The following CCDC66 variants were observed in gnomAD, a reference collection of about 807,000 sequenced individuals.
CCDC66 encodes coiled-coil domain containing 66.
Under a neutral mutation model 128.3 loss-of-function variants are expected in CCDC66, and 133 were observed. The observed-to-expected ratio is 1.04, with a 90% CI of 0.90 to 1.20. The LOEUF (loss-of-function observed/expected upper bound fraction) is 1.20. Ranked by LOEUF, CCDC66 falls within the 50% of genes most tolerant of loss-of-function variation. CCDC66 has a pLI of 0.00. For missense variants in CCDC66, 1,126 were observed against 1,075.5 expected (o/e 1.05, Z -0.66); for synonymous variants, 387 against 357.0 (o/e 1.08, Z -0.95).
chr3:56,566,489 A>G (rs2065879122), intron 4 of CCDC66, 105 bp from the exon 5 acceptor site: 1 of 683,722 alleles, frequency 1.5e-6, no homozygotes, highest in Non-Finnish European at 2.4e-6. Context: ...TTTGAGAGTT[A>G]ATTTAAGTAA....
At chr3:56,566,107 C>CTTTTTGTTTTGTTTTGTTTTGT (rs1553662674) in intron 4 of CCDC66, among the ~76,000 whole-genome samples, 1 of 148,822 alleles carries the variant, frequency 6.7e-6, no homozygotes, top group Non-Finnish European at 1.5e-5. Flanking sequence ...CTTCAGTTTC[C>CTTTTTGTTTTGTTTTGTTTTGT]TTTGTTTTGT....
chr3:56,615,752 G>C (rs926111835), intron 12 of CCDC66, 170 bp from the exon 13 acceptor site: 7 of 431,690 alleles, frequency 1.6e-5, no homozygotes, highest in African/African-American at 4.2e-5. Flanking sequence ...ATTATTAAAT[G>C]ATCTCCCTAA....
intron 10 of CCDC66, among the ~76,000 whole-genome samples, chr3:56,600,702 G>A (rs987855126): frequency 6.6e-6 from 1 of 152,000 alleles, no homozygotes; most frequent in African/African-American, 2.4e-5. Flanking sequence ...ATCTCATTGT[G>A]GTTTTGATTT....
At chr3:56,611,679 C>T (rs1200134009) in intron 10 of CCDC66, among the ~76,000 whole-genome samples, 1 of 151,692 alleles carries the variant, frequency 6.6e-6, no homozygotes, top group East Asian at 1.9e-4. Flanking sequence ...GCTCCTCTGG[C>T]CACCCTCCTG....
rs1426352758 is a variant in CCDC66, at chr3:56,583,919, C to T, written c.937-9051C>T. On this transcript the variant is annotated intron_variant, in intron 7 of 17. Transcript: ENST00000394672. ...CCTCCCGGATGGGGCGGCGGCTGGG[C>T]GGGGGCTGCCCCCCACCTCCCTCCC... is the stretch of plus-strand genomic sequence containing the variant. Among the ~76,000 whole-genome samples, 7 of 85,466 alleles carry T rather than the reference C, an allele frequency of 8.2e-5. 2 individuals are homozygous for T. In the Admixed American group the frequency reaches 1.1e-3, roughly 13 times the overall value. The allele number at this position is 85,466 out of a possible 152,430, so 56.1% of individuals were successfully genotyped here.
intron 17 of CCDC66, 54 bp from the exon 18 acceptor site, chr3:56,621,478 T>A: frequency 8.9e-7 from 1 of 1,123,280 alleles, no homozygotes; most frequent in Non-Finnish European, 1.3e-6. Context: ...TAACACAACA[T>A]TGCAAGTCAG....
intron 4 of CCDC66, 99 bp downstream of exon 4, chr3:56,564,224 CTAATT>C (rs964573709): frequency 1.0e-5 from 8 of 796,898 alleles, no homozygotes; most frequent in African/African-American, 5.2e-5. Context: ...CTCTTAAACT[CTAATT>C]TAACCTGTCA....
chr3:56,619,865 G>A lies in CCDC66; in HGVS notation c.2724G>A (p.Gln908=), dbSNP rs1362645745. 6.2e-7 allele frequency: 1 copy of A among 1,614,080 alleles called. No homozygotes were observed. The highest frequency in any genetic ancestry group is 8.5e-7 in the Non-Finnish European group (1 of 1,179,968). Residue 908 remains glutamine, a synonymous_variant, in exon 17 of 18, where the codon CAG becomes CAA. Coordinates refer to ENST00000394672, the MANE Select transcript of CCDC66 (RefSeq NM_001141947.3). ...NPNMVKNRDR[Q]QAILKGLSEL... is the part of the protein sequence containing the mutation. ...ACATGGTGAAAAATAGGGATCGACA[G>A]CAAGCAATCCTTAAGGGACTTTCAG...
At chr3:56,598,426 C>A (rs1386516523) in intron 10 of CCDC66, among the ~76,000 whole-genome samples, 1 of 151,386 alleles carries the variant, frequency 6.6e-6, no homozygotes. Context: ...TGCCTGGTTG[C>A]TCTGGCTAGG....
At chr3:56,597,298 A>T (rs916009375) in intron 10 of CCDC66, among the ~76,000 whole-genome samples, 8 of 151,896 alleles carry the variant, frequency 5.3e-5, no homozygotes, top group Non-Finnish European at 1.0e-4. Context: ...TGTGGTTCCT[A>T]TAGTCTTGTA....
At chr3:56,560,873 CTT>C (rs2065009493) in intron 3 of CCDC66, 1 of 456,426 alleles carries the variant, frequency 2.2e-6, no homozygotes, top group Admixed American at 2.4e-5. Context: ...GTCTTAAAGT[CTT>C]TGCTTGTCTG....
At chr3:56,558,931 C>A in intron 2 of CCDC66, 21 bp downstream of exon 2, 5 of 1,494,642 alleles carry the variant, frequency 3.3e-6, no homozygotes, top group Non-Finnish European at 3.6e-6. Flanking sequence ...TTACAGAAAT[C>A]TGAAATGTTA....
Position 56,619,375 on chromosome 3 carries a change from TC to T in CCDC66, c.2484del (p.Ser829GlnfsTer74). The T allele has an allele frequency of 6.2e-7, 1 of 1,613,944 alleles. No homozygotes were observed. Among genetic ancestry groups the T allele is most frequent in the South Asian group, 1.1e-5 (1 of 91,066 alleles). Reference protein sequence around the residue: ...KNSSYERENLISGSNQTELSS... With the variant: ...KNSSYERENLXSGSNQTELSS... ...AGTAGCTATGAGAGAGAGAATTTGA[TC>T]TCAGGAAGTAATCAAACAGAATTAT... On this transcript the variant is annotated frameshift_variant, in exon 16 of 18. Transcript: ENST00000394672. LOFTEE classifies it high-confidence loss of function.
intron 6 of CCDC66, 83 bp from the exon 7 acceptor site, chr3:56,571,098 C>T (rs2066553482): frequency 2.0e-6 from 2 of 985,240 alleles, no homozygotes; most frequent in African/African-American, 1.7e-5. Context: ...GTGTTGGTAT[C>T]TGCATTAAGA....
At chr3:56,581,594 G>A (rs1227073528) in intron 7 of CCDC66, among the ~76,000 whole-genome samples, 3 of 151,736 alleles carry the variant, frequency 2.0e-5, no homozygotes, top group African/African-American at 7.2e-5. Context: ...TGGGGTTTTG[G>A]TGTGGATGTC....
Position 56,564,109 on chromosome 3 carries a change from T to C in CCDC66, c.528T>C (p.Asn176=), listed in dbSNP as rs755870203. The part of the protein sequence containing the change: ...QGNRSLSLTE[N]GKEAKSQYSL... ...ATAGATCTCTTTCCCTGACTGAGAA[T>C]GGAAAGGAGGCAAAAAGTAAGATTT... The change falls in exon 4 of 18, where the codon AAT becomes AAC. Residue 176 remains asparagine (N), a synonymous_variant. Coordinates refer to ENST00000394672, the MANE Select transcript of CCDC66 (RefSeq NM_001141947.3). The C allele has an allele frequency of 6.9e-6, 11 of 1,591,702 alleles. No homozygotes were observed. The South Asian group carries it at 9.1e-5, about 13-fold the overall frequency.
chr3:56,595,524 T>C (rs1444633042), intron 10 of CCDC66, among the ~76,000 whole-genome samples: 2 of 152,222 alleles, frequency 1.3e-5, no homozygotes, highest in African/African-American at 4.8e-5. Flanking sequence ...CTGGCTTATT[T>C]CACTTAACAT....
chr3:56,564,187 G>A, intron 4 of CCDC66, 62 bp downstream of exon 4: 1 of 1,242,796 alleles, frequency 8.0e-7, no homozygotes, highest in Non-Finnish European at 1.1e-6. Context: ...TAGAATATCA[G>A]ATTCATTGGG....
chr3:56,617,143 A>G lies in CCDC66; in HGVS notation c.1875A>G (p.Ala625=). 2 of 1,574,584 alleles carry G rather than the reference A, an allele frequency of 1.3e-6. No homozygotes were observed. The highest frequency in any genetic ancestry group is 1.7e-6 in the Non-Finnish European group (2 of 1,162,918). The part of the protein sequence containing the change: ...DDLNIGIFTN[A]ESHCGSLMER... The stretch of plus-strand genomic sequence containing the variant: ...TAAATATAGGAATATTCACCAATGC[A>G]GAATCACATTGTGGATCATTAATGG... Residue 625 remains alanine (A), a synonymous_variant, in exon 14 of 18, where the codon GCA becomes GCG. Transcript: ENST00000394672.
Sources: allele counts gnomAD v4.1 joint callset (sites outside exome capture counted in the v4.1 genomes callset), GRCh38; gene constraint gnomAD v4.1.1; transcripts MANE v1.5; gene names NCBI Gene and HGNC (gene_info 2026-07-23, HGNC 2026-07-21).